The following LYPD6 variants were observed in gnomAD, a reference collection of about 807,000 sequenced individuals.
LYPD6 encodes the protein LY6/PLAUR domain containing 6.
In LYPD6, 15 loss-of-function variants were observed where a neutral mutation model predicts 22.7. The ratio of observed to expected loss-of-function variants is 0.66; its 90% CI spans 0.44 to 1.02. LYPD6 has a LOEUF of 1.02. Among genes scored for constraint, LYPD6 ranks in the 50% least tolerant of loss-of-function variants. The pLI, the probability that LYPD6 is intolerant of heterozygous loss-of-function variation, is 0.00. For missense variants in LYPD6, 189 were observed against 208.4 expected (o/e 0.91, Z 0.57); for synonymous variants, 72 against 77.5 (o/e 0.93, Z 0.37).
At chr2:149,423,986 TA>T (rs36026299) in intron 1 of LYPD6, among the ~76,000 whole-genome samples, 44,124 of 151,952 alleles carry the variant, frequency 0.29, 8,276 homozygotes, top group African/African-American at 0.54. Flanking sequence ...CCAGCCCTGA[TA>T]AAAGTATTAC....
chr2:149,445,581 T>C (rs1300002180), intron 2 of LYPD6, among the ~76,000 whole-genome samples: 2 of 152,248 alleles, frequency 1.3e-5, no homozygotes, highest in East Asian at 3.8e-4. Context: ...ACCTTATGAT[T>C]TTATGTTATG....
intron 1 of LYPD6, among the ~76,000 whole-genome samples, chr2:149,424,770 G>A (rs6707487): frequency 0.29 from 44,527 of 152,004 alleles, 8,502 homozygotes; most frequent in African/African-American, 0.55. Context: ...AATTGAGCTG[G>A]AATGTCAAGG....
At chr2:149,377,718 T>G (rs1367720886) in intron 1 of LYPD6, among the ~76,000 whole-genome samples, 1 of 151,840 alleles carries the variant, frequency 6.6e-6, no homozygotes, top group Non-Finnish European at 1.5e-5. Context: ...AGGCGGAGGT[T>G]GCAGTGAGCT....
At chr2:149,398,445 G>GTA (rs1312749477) in intron 1 of LYPD6, among the ~76,000 whole-genome samples, 1 of 132,658 alleles carries the variant, frequency 7.5e-6, no homozygotes, top group East Asian at 2.4e-4. Flanking sequence ...GTGTGTGTGT[G>GTA]TGTATGTGTA....
intron 1 of LYPD6, among the ~76,000 whole-genome samples, chr2:149,354,965 C>T (rs76755576): frequency 0.015 from 2,271 of 152,192 alleles, 66 homozygotes; most frequent in African/African-American, 0.051. Context: ...GAACCATAGA[C>T]TTATGAGCAT....
chr2:149,464,389 C>T (rs1681156764), intron 3 of LYPD6: 1 of 239,436 alleles, frequency 4.2e-6, no homozygotes, highest in Non-Finnish European at 8.8e-6. Flanking sequence ...CATTTTTCAT[C>T]GTGCATGGTC....
At chr2:149,350,578 G>A (rs1250568832) in intron 1 of LYPD6, among the ~76,000 whole-genome samples, 5 of 152,166 alleles carry the variant, frequency 3.3e-5, no homozygotes, top group Non-Finnish European at 2.9e-5. Context: ...GTGCTGTCCA[G>A]TAGAATTTTC....
At chr2:149,435,257 C>T (rs371210808) in intron 1 of LYPD6, among the ~76,000 whole-genome samples, 119 of 152,352 alleles carry the variant, frequency 7.8e-4, no homozygotes, top group African/African-American at 2.8e-3. Flanking sequence ...GCCCCCCAGT[C>T]TATGGTATTT....
At chr2:149,479,397 A>G in the LYPD6 span, among the ~76,000 whole-genome samples, 1 of 152,102 alleles carries the variant, frequency 6.6e-6, no homozygotes, top group Non-Finnish European at 1.5e-5. Context: ...TCTCCCCCTC[A>G]GACTCCTTCT....
chr2:149,404,641 A>AGTG (rs1573777278), intron 1 of LYPD6, among the ~76,000 whole-genome samples: 2 of 152,270 alleles, frequency 1.3e-5, no homozygotes, highest in East Asian at 3.9e-4. Context: ...GGGCTGAGAC[A>AGTG]GTGGGGTTTT....
intron 1 of LYPD6, among the ~76,000 whole-genome samples, chr2:149,397,933 TGAA>T (rs1682461244): frequency 6.6e-6 from 1 of 152,102 alleles, no homozygotes; most frequent in South Asian, 2.1e-4. Flanking sequence ...AAGTAGATGT[TGAA>T]AAAAATAAAA....
chr2:149,337,956 C>T (rs781305816), intron 1 of LYPD6, among the ~76,000 whole-genome samples: 4 of 152,158 alleles, frequency 2.6e-5, no homozygotes, highest in South Asian at 4.1e-4. Flanking sequence ...CTGCAAAGTA[C>T]GTGATCTCAT....
chr2:149,455,936 C>T (rs1680947995), intron 3 of LYPD6, among the ~76,000 whole-genome samples: 1 of 152,236 alleles, frequency 6.6e-6, no homozygotes. Context: ...CATTTGGCAG[C>T]TTCCTCAAAA....
intron 1 of LYPD6, among the ~76,000 whole-genome samples, chr2:149,351,834 G>A (rs1191749275): frequency 1.3e-5 from 2 of 151,932 alleles, no homozygotes; most frequent in East Asian, 3.9e-4. Context: ...TGTTATGGAA[G>A]TCCTGGTTAA....
intron 1 of LYPD6, among the ~76,000 whole-genome samples, chr2:149,414,857 G>C (rs977336757): frequency 6.6e-6 from 1 of 152,200 alleles, no homozygotes; most frequent in African/African-American, 2.4e-5. Flanking sequence ...GGCTGTTGGA[G>C]CATTTAGAAT....
At chr2:149,430,446 T>C (rs2377268) in intron 1 of LYPD6, among the ~76,000 whole-genome samples, 28,245 of 152,110 alleles carry the variant, frequency 0.19, 2,655 homozygotes, top group Middle Eastern at 0.21. Context: ...AATTCCCAAA[T>C]TGCATGAAAG....
chr2:149,421,110 G>C (rs1034142698), intron 1 of LYPD6, among the ~76,000 whole-genome samples: 1 of 152,012 alleles, frequency 6.6e-6, no homozygotes, highest in Admixed American at 6.6e-5. Flanking sequence ...TTTAATCCCA[G>C]CACTTTTCTT....
At chr2:149,435,653 G>C (rs541695769) in intron 1 of LYPD6, among the ~76,000 whole-genome samples, 4 of 152,210 alleles carry the variant, frequency 2.6e-5, no homozygotes, top group Non-Finnish European at 5.9e-5. Flanking sequence ...GAAAGATACT[G>C]GTGGATACTT....
chr2:149,444,097 C>G (rs1683627889), intron 2 of LYPD6, among the ~76,000 whole-genome samples: 1 of 151,936 alleles, frequency 6.6e-6, no homozygotes, highest in South Asian at 2.1e-4. Flanking sequence ...CCACGCCTGG[C>G]TAATTTTTGT....
Sources: gnomAD v4.1 joint callset for allele counts (sites outside exome capture counted in the v4.1 genomes callset) on GRCh38, gnomAD v4.1.1 for gene constraint, MANE v1.5 for transcripts, NCBI Gene and HGNC (gene_info 2026-07-23, HGNC 2026-07-21) for gene names.